The following CNTNAP2 variants were observed in gnomAD, a reference collection of about 807,000 sequenced individuals.
The protein encoded by CNTNAP2 is contactin-associated protein-like 2.
In CNTNAP2, 98 loss-of-function variants were observed where a neutral mutation model predicts 155.2. That is an observed-to-expected ratio of 0.63 (90% CI 0.54 to 0.75). CNTNAP2 has a LOEUF of 0.75. Ranked by LOEUF, CNTNAP2 falls within the 30% of genes least tolerant of loss-of-function variation. The probability of loss-of-function intolerance (pLI) is 0.00; values close to 1 mark genes in which losing one functional copy is unlikely to be tolerated. For synonymous variants in CNTNAP2, 651 were observed against 631.2 expected (o/e 1.03, Z -0.47); for missense variants, 1,727 against 1,688.1 (o/e 1.02, Z -0.40).
intron 13 of CNTNAP2, among the ~76,000 whole-genome samples, chr7:147,804,804 T>A (rs565158158): frequency 3.2e-4 from 48 of 152,294 alleles, no homozygotes; most frequent in African/African-American, 9.4e-4. Flanking sequence ...TCCACCCAGC[T>A]TATCTTCCCA....
chr7:147,775,071 C>G (rs1185001143), intron 13 of CNTNAP2, among the ~76,000 whole-genome samples: 1 of 150,526 alleles, frequency 6.6e-6, no homozygotes, highest in Non-Finnish European at 1.5e-5. Flanking sequence ...TCTGTTCTTC[C>G]AAAGGCTGTA....
chr7:148,243,416 G>A (rs1473833865), intron 20 of CNTNAP2, among the ~76,000 whole-genome samples: 2 of 152,122 alleles, frequency 1.3e-5, no homozygotes, highest in African/African-American at 4.8e-5. Flanking sequence ...CCATTTTCAC[G>A]CTGCTGATAA....
chr7:147,328,502 G>A (rs1340874848), intron 9 of CNTNAP2, among the ~76,000 whole-genome samples: 1 of 152,162 alleles, frequency 6.6e-6, no homozygotes, highest in Non-Finnish European at 1.5e-5. Flanking sequence ...TGGGACGACT[G>A]AATCGACTAT....
chr7:147,558,728 CCTTCCTTCCTTCCTTT>C (rs1283285491), intron 11 of CNTNAP2, among the ~76,000 whole-genome samples: 6 of 74,204 alleles, frequency 8.1e-5, no homozygotes, highest in African/African-American at 2.0e-4. Context: ...TTCCTTCCTT[CCTTCCTTCCTTCCTTT>C]CTTCCTTCCT....
intron 4 of CNTNAP2, among the ~76,000 whole-genome samples, chr7:147,077,392 T>C (rs1176266043): frequency 2.0e-5 from 3 of 152,138 alleles, no homozygotes; most frequent in African/African-American, 4.8e-5. Flanking sequence ...CTTTATTTAG[T>C]GGAAACAAAA....
chr7:148,098,445 A>AT (rs10629083), intron 15 of CNTNAP2, among the ~76,000 whole-genome samples: 8 of 15,222 alleles, frequency 5.3e-4, no homozygotes, highest in Non-Finnish European at 1.6e-3. Flanking sequence ...TCTGTCTCAG[A>AT]AAAAAAAAAA....
Position 148,372,580 on chromosome 7 carries a change from T to C in CNTNAP2, c.3476-11069T>C, listed in dbSNP as rs548415137. ...AAAATTAGCCTGGTGTGGTGGCATA[T>C]GCCTGTAATCCCAGCTACTCGGGAG... On this transcript the variant is annotated intron_variant, in intron 21 of 23. Transcript: ENST00000361727. 3.3e-5 allele frequency among the ~76,000 whole-genome samples: 5 copies of C among 152,060 alleles called. No individual in the cohort carries two copies. In the East Asian group the frequency reaches 9.7e-4, roughly 30 times the overall value.
At chr7:147,691,839 A>C (rs1459433843) in intron 13 of CNTNAP2, among the ~76,000 whole-genome samples, 1 of 152,080 alleles carries the variant, frequency 6.6e-6, no homozygotes, top group Admixed American at 6.6e-5. Context: ...TTGATTTGTT[A>C]CAATCAATAA....
intron 1 of CNTNAP2, among the ~76,000 whole-genome samples, chr7:146,612,861 A>G (rs347205): frequency 0.66 from 100,113 of 151,272 alleles, 34,749 homozygotes; most frequent in African/African-American, 0.85. Context: ...TTTAAAAACT[A>G]CTATATGATC....
At chr7:147,510,820 A>C (rs1227823432) in intron 11 of CNTNAP2, among the ~76,000 whole-genome samples, 1 of 114,508 alleles carries the variant, frequency 8.7e-6, no homozygotes, top group East Asian at 2.5e-4. Flanking sequence ...TAGATTTCAT[A>C]AGTAAGTGCT....
At chr7:146,940,073 G>A (rs1486121106) in intron 3 of CNTNAP2, among the ~76,000 whole-genome samples, 1 of 152,026 alleles carries the variant, frequency 6.6e-6, no homozygotes, top group African/African-American at 2.4e-5. Context: ...CGAAAGGAGT[G>A]GCAGAACTTA....
At chr7:146,286,180 C>A (rs200882929) in intron 1 of CNTNAP2, among the ~76,000 whole-genome samples, 2 of 150,288 alleles carry the variant, frequency 1.3e-5, no homozygotes, top group East Asian at 4.0e-4. Context: ...TCAGACAGAG[C>A]AAATGAGCTC....
chr7:148,228,523 A>T (rs1467938862), intron 19 of CNTNAP2, among the ~76,000 whole-genome samples: 1 of 152,088 alleles, frequency 6.6e-6, no homozygotes, highest in Non-Finnish European at 1.5e-5. Context: ...CCAAAATCTC[A>T]TCTTTAAGAA....
intron 11 of CNTNAP2, among the ~76,000 whole-genome samples, chr7:147,534,862 A>T (rs1005351827): frequency 3.3e-5 from 5 of 152,040 alleles, no homozygotes; most frequent in African/African-American, 1.2e-4. Flanking sequence ...TAGATATCCA[A>T]AGACTTCAGA....
intron 8 of CNTNAP2, among the ~76,000 whole-genome samples, chr7:147,154,316 A>T (rs1801881668): frequency 6.6e-6 from 1 of 152,162 alleles, no homozygotes; most frequent in Admixed American, 6.6e-5. Context: ...GAGTAGCAGG[A>T]TGGGAAATTT....
At chr7:147,563,627 CAATAAATA>C (rs35385008) in intron 12 of CNTNAP2, among the ~76,000 whole-genome samples, 4 of 149,208 alleles carry the variant, frequency 2.7e-5, no homozygotes, top group Middle Eastern at 3.4e-3. Flanking sequence ...GACTCCATCT[CAATAAATA>C]AATAAATAAA....
chr7:146,626,671 G>T (rs1426180725), intron 1 of CNTNAP2, among the ~76,000 whole-genome samples: 2 of 151,988 alleles, frequency 1.3e-5, no homozygotes, highest in African/African-American at 4.8e-5. Flanking sequence ...ATGAATTAAA[G>T]ACTAGATCAA....
chr7:146,936,387 A>AT (rs1796914733), intron 3 of CNTNAP2, among the ~76,000 whole-genome samples: 2 of 152,278 alleles, frequency 1.3e-5, no homozygotes, highest in Admixed American at 1.3e-4. Flanking sequence ...AGGAGGTACC[A>AT]TCTACTCAAT....
chr7:146,478,862 A>G (rs1307225264), intron 1 of CNTNAP2, among the ~76,000 whole-genome samples: 1 of 152,150 alleles, frequency 6.6e-6, no homozygotes, highest in Non-Finnish European at 1.5e-5. Context: ...TTGTCTTTCC[A>G]GTTAATGTAG....
Sources: allele counts gnomAD v4.1 joint callset (sites outside exome capture counted in the v4.1 genomes callset), GRCh38; gene constraint gnomAD v4.1.1; transcripts MANE v1.5; gene names NCBI Gene and HGNC (gene_info 2026-07-23, HGNC 2026-07-21).